The following SLC12A1 variants were observed in gnomAD, a reference collection of about 807,000 sequenced individuals.
SLC12A1 encodes the protein Na-K-2Cl cotransporter.
Under a neutral mutation model 130.4 loss-of-function variants are expected in SLC12A1, and 89 were observed. The ratio of observed to expected loss-of-function variants is 0.68; its 90% CI spans 0.58 to 0.81. The LOEUF (loss-of-function observed/expected upper bound fraction) is 0.81, where lower values mean the gene tolerates loss of function less well. Ranked by LOEUF, SLC12A1 falls within the 40% of genes least tolerant of loss-of-function variation. The pLI, the probability that SLC12A1 is intolerant of heterozygous loss-of-function variation, is 0.00. For missense variants in SLC12A1, 1,310 were observed against 1,336.4 expected (o/e 0.98, Z 0.31); for synonymous variants, 499 against 460.0 (o/e 1.08, Z -1.09).
intron 7 of SLC12A1, among the ~76,000 whole-genome samples, chr15:48,230,973 C>A (rs941804391): frequency 1.2e-4 from 19 of 152,206 alleles, no homozygotes; most frequent in African/African-American, 4.6e-4. Context: ...ACCAGAAAAT[C>A]TCTGAGTTTA....
chr15:48,272,485 G>C (rs983436303), intron 19 of SLC12A1, among the ~76,000 whole-genome samples: 3 of 152,108 alleles, frequency 2.0e-5, no homozygotes, highest in Non-Finnish European at 4.4e-5. Flanking sequence ...GAAGTGCAGT[G>C]GCACAATCTT....
intron 2 of SLC12A1, among the ~76,000 whole-genome samples, chr15:48,217,295 G>A (rs1218642396): frequency 1.3e-5 from 2 of 152,016 alleles, no homozygotes; most frequent in African/African-American, 4.8e-5. Flanking sequence ...CCTAATTACT[G>A]CACCAATTTC....
chr15:48,267,547 A>G lies in SLC12A1; in HGVS notation c.2155-14A>G. The stretch of plus-strand genomic sequence containing the variant: ...ATAGCAGGGTTCTAACCAATATTTC[A>G]TTGTGTCACACAGGGACCGCGCAAA... On this transcript the variant is annotated splice_polypyrimidine_tract_variant and intron_variant, in intron 17 of 26. Coordinates refer to ENST00000380993, the MANE Select transcript of SLC12A1 (RefSeq NM_000338.3). 1.2e-6 allele frequency: 2 copies of G among 1,613,008 alleles called. No individual in the cohort carries two copies. Among genetic ancestry groups the G allele is most frequent in the Non-Finnish European group, 1.7e-6 (2 of 1,179,294 alleles).
At chr15:48,243,202 T>G (rs887890301) in intron 10 of SLC12A1, among the ~76,000 whole-genome samples, 1 of 152,102 alleles carries the variant, frequency 6.6e-6, no homozygotes, top group African/African-American at 2.4e-5. Context: ...CAGTTCAACA[T>G]AAATGAACAA....
chr15:48,228,463 A>G (rs934641946), intron 5 of SLC12A1: 1 of 156,496 alleles, frequency 6.4e-6, no homozygotes, highest in Non-Finnish European at 1.4e-5. Context: ...CTAAAAACAT[A>G]GAAAACCAAG....
intron 8 of SLC12A1, 96 bp downstream of exon 8, chr15:48,232,934 T>A: frequency 1.4e-6 from 1 of 732,598 alleles, no homozygotes; most frequent in Non-Finnish European, 2.4e-6. Context: ...TCGGAATGCC[T>A]GGCTCCCCTT....
At chr15:48,247,843 G>A (rs1007618848) in intron 13 of SLC12A1, among the ~76,000 whole-genome samples, 6 of 152,082 alleles carry the variant, frequency 3.9e-5, no homozygotes, top group Admixed American at 1.3e-4. Flanking sequence ...CATCTATATC[G>A]CAATCACCTG....
chr15:48,270,123 G>A (rs1226812149), intron 19 of SLC12A1, among the ~76,000 whole-genome samples: 1 of 152,160 alleles, frequency 6.6e-6, no homozygotes, highest in Admixed American at 6.5e-5. Flanking sequence ...CTCCAATTCA[G>A]TCATTGTCTT....
chr15:48,215,054 T>C (rs1040216157), intron 2 of SLC12A1, among the ~76,000 whole-genome samples: 16 of 151,956 alleles, frequency 1.1e-4, no homozygotes, highest in African/African-American at 3.6e-4. Context: ...AATAAATATA[T>C]TTATTTTCCC....
Position 48,207,941 on chromosome 15 carries a change from C to G in SLC12A1, c.222C>G (p.Leu74=), listed in dbSNP as rs1162084251. 1 of 1,613,988 alleles carries G rather than the reference C, an allele frequency of 6.2e-7. No individual in the cohort carries two copies. The highest frequency in any genetic ancestry group is 8.5e-7 in the Non-Finnish European group (1 of 1,179,880). Residue 74 remains leucine (L), a synonymous_variant, in exon 2 of 27, where the codon CTC becomes CTG. Transcript: ENST00000380993. ...ATCAGGAGTGCTATGACAATTTCCT[C>G]CAAAGTGGAGAAACTGCTAAAACAG... ...PGNQECYDNF[L]QSGETAKTDA...
chr15:48,285,159 G>C lies in SLC12A1; in HGVS notation c.2539G>C (p.Asp847His). 1 of 1,613,686 alleles carries C rather than the reference G, an allele frequency of 6.2e-7. No individual in the cohort carries two copies. The highest frequency in any genetic ancestry group is 1.3e-5 in the African/African-American group (1 of 75,040). Residue 847 changes from aspartate to histidine, a missense_variant, in exon 21 of 27, where the codon GAT becomes CAT. Asp to His is a moderately conservative substitution (Grantham distance 81). Transcript: ENST00000380993. ...ACTAGCATTGGAAGCGACTATCAAA[G>C]ATAATGAGTGTGAAGAGGAAAGTGG... Reference protein sequence around the residue: ...ERLALEATIKDNECEEESGGI... With the variant: ...ERLALEATIKHNECEEESGGI...
chr15:48,220,838 C>T (rs1177884038), intron 3 of SLC12A1, 73 bp downstream of exon 3: 11 of 1,610,594 alleles, frequency 6.8e-6, no homozygotes, highest in African/African-American at 2.7e-5. Flanking sequence ...TGAACAAGGC[C>T]TGGGCACAGC....
Position 48,302,803 on chromosome 15 carries a change from G to C in SLC12A1, c.3218G>C (p.Trp1073Ser). The change falls in exon 27 of 27, where the codon TGG becomes TCG. Residue 1073 changes from tryptophan to serine, a missense_variant. Physicochemically the swap from Trp to Ser is radical, Grantham distance 177 (BLOSUM62 -3). Coordinates refer to ENST00000380993, the MANE Select transcript of SLC12A1 (RefSeq NM_000338.3). ...ATATCGGATTTGTTGTATATGGCTTGGTTGGAAATCCTCACAAAGAACCTC... is the reference window on the plus strand; with the variant it reads ...ATATCGGATTTGTTGTATATGGCTTCGTTGGAAATCCTCACAAAGAACCTC... The part of the protein sequence containing the change: ...GSISDLLYMA[W>S]LEILTKNLPP... 1 of 1,613,184 alleles carries C rather than the reference G, an allele frequency of 6.2e-7. No individual in the cohort carries two copies. The highest frequency in any genetic ancestry group is 1.1e-5 in the South Asian group (1 of 91,038).
intron 18 of SLC12A1, among the ~76,000 whole-genome samples, chr15:48,268,959 A>G (rs1219666714): frequency 1.3e-5 from 2 of 152,206 alleles, no homozygotes; most frequent in Non-Finnish European, 2.9e-5. Flanking sequence ...AAATTTGAAC[A>G]TGCATACATT....
intron 20 of SLC12A1, among the ~76,000 whole-genome samples, chr15:48,278,788 T>C (rs1223013751): frequency 6.6e-6 from 1 of 152,260 alleles, no homozygotes; most frequent in East Asian, 1.9e-4. Flanking sequence ...TGTTGATCTC[T>C]TCAAGCTGAA....
intron 2 of SLC12A1, among the ~76,000 whole-genome samples, chr15:48,213,762 A>G (rs2041084662): frequency 6.6e-6 from 1 of 152,036 alleles, no homozygotes; most frequent in South Asian, 2.1e-4. Context: ...TGACCTCGTG[A>G]TCCGCCCACC....
intron 18 of SLC12A1, among the ~76,000 whole-genome samples, chr15:48,268,469 CT>C (rs1400101561): frequency 2.0e-5 from 3 of 152,140 alleles, no homozygotes; most frequent in African/African-American, 2.4e-5. Flanking sequence ...TTCAGAGTTA[CT>C]GTATTTCAGA....
At chr15:48,215,652 C>G (rs972729779) in intron 2 of SLC12A1, among the ~76,000 whole-genome samples, 27 of 152,188 alleles carry the variant, frequency 1.8e-4, no homozygotes, top group African/African-American at 6.3e-4. Context: ...AAACCCTCCA[C>G]CCAAAGTCAT....
chr15:48,284,013 A>C (rs2042033218), intron 20 of SLC12A1, among the ~76,000 whole-genome samples: 1 of 152,238 alleles, frequency 6.6e-6, no homozygotes, highest in Non-Finnish European at 1.5e-5. Flanking sequence ...CACAATCGGA[A>C]TCCAAAAAAG....
Sources: gnomAD v4.1 joint callset for allele counts (sites outside exome capture counted in the v4.1 genomes callset) on GRCh38, gnomAD v4.1.1 for gene constraint, MANE v1.5 for transcripts, NCBI Gene and HGNC (gene_info 2026-07-23, HGNC 2026-07-21) for gene names.